Variants in CPNE1 observed in about 807,000 individuals in gnomAD.
The protein encoded by CPNE1 is copine-1.
A neutral mutation model predicts 63.2 loss-of-function variants in CPNE1; 58 were observed. The ratio of observed to expected loss-of-function variants is 0.92; its 90% CI spans 0.74 to 1.14. CPNE1 has a LOEUF of 1.14. Among genes scored for constraint, CPNE1 ranks in the 50% most tolerant of loss-of-function variants. The probability of loss-of-function intolerance (pLI) is 0.00; values close to 1 mark genes in which losing one functional copy is unlikely to be tolerated. For missense variants in CPNE1, 672 were observed against 661.7 expected (o/e 1.02, Z -0.17); for synonymous variants, 237 against 249.0 (o/e 0.95, Z 0.45).
intron 1 of CPNE1, among the ~76,000 whole-genome samples, chr20:35,638,301 G>A (rs966939063): frequency 6.6e-6 from 1 of 152,096 alleles, no homozygotes; most frequent in African/African-American, 2.4e-5. Flanking sequence ...TTAAATGCAG[G>A]ACTCCTACAA....
At chr20:35,634,083 G>A (rs1392195093) in intron 1 of CPNE1, among the ~76,000 whole-genome samples, 9 of 150,714 alleles carry the variant, frequency 6.0e-5, no homozygotes, top group African/African-American at 2.0e-4. Context: ...AACATGGTGA[G>A]ACCCTGTCTC....
chr20:35,631,492 C>CG lies in CPNE1; in HGVS notation c.713dup (p.Ala239GlyfsTer2). ...CACCCCTGGCAAGACCAGCACTCAC[C>CG]GGGACTGCCTGCAGCTGGGCCAAGC... On this transcript the variant is annotated frameshift_variant and splice_region_variant, in exon 8 of 16. Transcript: ENST00000397443. LOFTEE classifies it high-confidence loss of function. 6.2e-7 allele frequency: 1 copy of CG among 1,613,662 alleles called. No individual in the cohort carries two copies. Among genetic ancestry groups the CG allele is most frequent in the South Asian group, 1.1e-5 (1 of 91,048 alleles).
At chr20:35,637,563 C>T (rs1205143004) in intron 1 of CPNE1, among the ~76,000 whole-genome samples, 1 of 151,824 alleles carries the variant, frequency 6.6e-6, no homozygotes, top group Non-Finnish European at 1.5e-5. Context: ...TCTAATATGA[C>T]ATTATTCCTT....
At position 35,626,783 on chromosome 20, in the gene CPNE1, C is replaced by G; in HGVS notation, c.1257G>C (p.Leu419=). Residue 419 remains leucine, a synonymous_variant, in exon 15 of 16, where the codon CTG becomes CTC. Transcript: ENST00000397443. ...CATCCGTCACAGCACCATCAGTCAG[C>G]AGCAACAGCATGAAGTATTGCTGGG... is the stretch of plus-strand genomic sequence containing the variant. ...GTASQYFMLL[L]LTDGAVTDVE... is the part of the protein sequence containing the mutation. 3 of 1,614,122 alleles carry G rather than the reference C, an allele frequency of 1.9e-6. No homozygotes were observed. Among genetic ancestry groups the G allele is most frequent in the Non-Finnish European group, 2.5e-6 (3 of 1,179,980 alleles).
At position 35,630,435 on chromosome 20, in the gene CPNE1, T is replaced by G; in HGVS notation, c.1102+4A>C. The G allele has an allele frequency of 6.2e-7, 1 of 1,613,966 alleles. No individual in the cohort carries two copies. Among genetic ancestry groups the G allele is most frequent in the Non-Finnish European group, 8.5e-7 (1 of 1,179,840 alleles). On this transcript the variant is annotated splice_donor_region_variant and intron_variant, in intron 13 of 15. Coordinates refer to ENST00000397443, the MANE Select transcript of CPNE1 (RefSeq NM_152925.3). ...CCTGCCTCAGGGTGGATGGGGAAAC[T>G]TACCTGCACAGTAGGGGTTACTGGG...
In CPNE1 at chr20:35,632,257, C is replaced by T. The variant is rs763499530; in HGVS notation, c.385-23G>A. The T allele has an allele frequency of 2.5e-6, 4 of 1,612,352 alleles. No individual in the cohort carries two copies. The South Asian group carries it at 3.3e-5, about 13-fold the overall frequency. On this transcript the variant is annotated intron_variant, in intron 4 of 15. Coordinates refer to ENST00000397443, the MANE Select transcript of CPNE1 (RefSeq NM_152925.3). ...GACCTAGGTAGGGGAGACTACATCA[C>T]CTCATGAATTCATTGATGTTAAGTC...
Position 35,630,952 on chromosome 20 carries a change from T to C in CPNE1, c.944A>G (p.Glu315Gly), listed in dbSNP as rs202100028. Residue 315 changes from glutamate to glycine, a missense_variant, in exon 11 of 16, where the codon GAG (glutamate) becomes GGG (glycine). Transcript: ENST00000397443. ...CACACTCCACAGTGCCATCAGGTACTCATTGACCCCTGTTGGACTCAGGTA... is the reference window on the plus strand; with the variant it reads ...CACACTCCACAGTGCCATCAGGTACCCATTGACCCCTGTTGGACTCAGGTA... ...LHYLSPTGVNEYLMALWSVGS... is the reference protein window; with the variant it reads ...LHYLSPTGVNGYLMALWSVGS... The C allele has an allele frequency of 6.2e-7, 1 of 1,613,866 alleles. No homozygotes were observed. The highest frequency in any genetic ancestry group is 2.2e-5 in the East Asian group (1 of 44,880).
chr20:35,645,791 A>AGG (rs909425682), intron 1 of CPNE1, among the ~76,000 whole-genome samples: 1 of 152,222 alleles, frequency 6.6e-6, no homozygotes, highest in Non-Finnish European at 1.5e-5. Context: ...AAACCACAGA[A>AGG]GGGAGTTATG....
At chr20:35,660,566 A>G (rs1233604911) in intron 1 of CPNE1, among the ~76,000 whole-genome samples, 2 of 152,320 alleles carry the variant, frequency 1.3e-5, no homozygotes, top group African/African-American at 4.8e-5. Flanking sequence ...TTTGAAAGCC[A>G]TATCTAGTAG....
chr20:35,654,309 A>G (rs368690684), intron 1 of CPNE1: 10 of 1,614,118 alleles, frequency 6.2e-6, no homozygotes, highest in Middle Eastern at 1.6e-4. Context: ...TTCGACCTAC[A>G]TGATCTTTCA....
chr20:35,631,119 A>T lies in CPNE1; in HGVS notation c.856T>A (p.Phe286Ile). The T allele has an allele frequency of 5.0e-6, 8 of 1,614,142 alleles. No individual in the cohort carries two copies. Among genetic ancestry groups the T allele is most frequent in the Non-Finnish European group, 6.8e-6 (8 of 1,180,028 alleles). The change falls in exon 10 of 16, where the codon TTC (phenylalanine) becomes ATC (isoleucine). Residue 286 changes from phenylalanine (F) to isoleucine (I), a missense_variant. Phe to Ile is a conservative substitution (Grantham distance 21). Transcript: ENST00000397443. ...CCCTTGGTAAAGTAACTTACAGTGA[A>T]GTTGATCTGACAGCCTCCCATCACA... The part of the protein sequence containing the change: ...DYVMGGCQIN[F>I]TVGVDFTGSN...
intron 1 of CPNE1, chr20:35,649,671 G>A (rs539523237): frequency 6.6e-6 from 1 of 152,380 alleles, no homozygotes; most frequent in East Asian, 1.9e-4. Context: ...TTTCACTAAA[G>A]TTCAGAAAAG....
intron 1 of CPNE1, among the ~76,000 whole-genome samples, chr20:35,663,878 A>G (rs539967266): frequency 8.5e-5 from 13 of 152,290 alleles, no homozygotes; most frequent in African/African-American, 3.1e-4. Context: ...GCCAAGCTTC[A>G]GAGAAACTCA....
intron 1 of CPNE1, among the ~76,000 whole-genome samples, chr20:35,662,811 C>G (rs1019627681): frequency 1.3e-5 from 2 of 152,112 alleles, no homozygotes; most frequent in African/African-American, 4.8e-5. Flanking sequence ...TTTGACGTGT[C>G]AAAGAAGGTG....
intron 1 of CPNE1, among the ~76,000 whole-genome samples, chr20:35,663,972 G>A (rs1441897912): frequency 6.6e-6 from 1 of 152,182 alleles, no homozygotes; most frequent in East Asian, 1.9e-4. Context: ...TCTCCCGAGG[G>A]AGCCGTAAAT....
Position 35,631,659 on chromosome 20 carries a change from G to A in CPNE1, c.627+29C>T, listed in dbSNP as rs10211833. ...CCCTCCCCAGGTTCTCTTCTCCAGC[G>A]CAGTCCACTTAGGGGGCAAGCTCCT... On this transcript the variant is annotated intron_variant, in intron 7 of 15. Transcript: ENST00000397443. 42 of 1,609,654 alleles carry A rather than the reference G, an allele frequency of 2.6e-5. No homozygotes were observed. The Admixed American group carries it at 4.5e-4, about 17-fold the overall frequency.
At chr20:35,650,222 T>C (rs185144907) in intron 1 of CPNE1, 4 of 152,518 alleles carry the variant, frequency 2.6e-5, no homozygotes, top group Admixed American at 2.0e-4. Flanking sequence ...TTCTCTCCAA[T>C]TTCTACACAA....
At chr20:35,631,815 A>G (rs1321261061) in intron 6 of CPNE1, 38 bp from the exon 7 acceptor site, 1 of 1,583,502 alleles carries the variant, frequency 6.3e-7, no homozygotes, top group Non-Finnish European at 8.7e-7. Flanking sequence ...GAGCTCTGGC[A>G]TGGCCCCCTG....
Position 35,627,386 on chromosome 20 carries a change from C to T in CPNE1, c.1130G>A (p.Arg377His), listed in dbSNP as rs746060459. Residue 377 changes from arginine to histidine, a missense_variant, in exon 14 of 16, where the codon CGC (arginine) becomes CAC (histidine). By Grantham distance (29) the Arg-to-His change is conservative. Coordinates refer to ENST00000397443, the MANE Select transcript of CPNE1 (RefSeq NM_152925.3). ...GAGGCGAACTTGGGGCAGGGCTTGGCGGTAGGCATCCACAATGCCCTGGAT... is the reference window on the plus strand; with the variant it reads ...GAGGCGAACTTGGGGCAGGGCTTGGTGGTAGGCATCCACAATGCCCTGGAT... ...AGIQGIVDAY[R>H]QALPQVRLYG... The T allele has an allele frequency of 9.3e-6, 15 of 1,613,948 alleles. No homozygotes were observed. Among genetic ancestry groups the T allele is most frequent in the Middle Eastern group, 1.7e-4 (1 of 6,060 alleles).
Sources: gnomAD v4.1 joint callset for allele counts (sites outside exome capture counted in the v4.1 genomes callset) on GRCh38, gnomAD v4.1.1 for gene constraint, MANE v1.5 for transcripts, NCBI Gene and HGNC (gene_info 2026-07-23, HGNC 2026-07-21) for gene names.